Variants in BIRC6 observed in about 807,000 individuals in gnomAD.
BIRC6 encodes the protein dual E2 ubiquitin-conjugating enzyme/E3 ubiquitin-protein ligase BIRC6.
Under a neutral mutation model 503.3 loss-of-function variants are expected in BIRC6, and 98 were observed. The observed-to-expected ratio is 0.19, with a 90% CI of 0.17 to 0.23. The LOEUF (loss-of-function observed/expected upper bound fraction) is 0.23. BIRC6 is among the 10% of genes least tolerant of loss of function. The pLI, the probability that BIRC6 is intolerant of heterozygous loss-of-function variation, is 1.00. For missense variants in BIRC6, 5,360 were observed against 5,806.0 expected, an observed-to-expected ratio of 0.92 and a Z score of 2.50; for synonymous variants, 2,240 against 2,078.7, an observed-to-expected ratio of 1.08 and a Z score of -2.11.
chr2:32,548,318 T>C (rs1156954432), intron 64 of BIRC6, among the ~76,000 whole-genome samples: 1 of 145,240 alleles, frequency 6.9e-6, no homozygotes, highest in Non-Finnish European at 1.5e-5. Flanking sequence ...ATCTGGCCTT[T>C]TTTTTTTTTT....
intron 35 of BIRC6, 34 bp downstream of exon 35, chr2:32,477,617 G>T: frequency 6.4e-7 from 1 of 1,569,504 alleles, no homozygotes; most frequent in South Asian, 1.1e-5. Flanking sequence ...TTACAGGGTT[G>T]GCCGGGCGCA....
intron 60 of BIRC6, 28 bp downstream of exon 60, chr2:32,529,852 T>G (rs996185134): frequency 6.9e-7 from 1 of 1,439,096 alleles, no homozygotes; most frequent in Non-Finnish European, 9.3e-7. Flanking sequence ...CTTTAAAAAT[T>G]ACAGACTGTC....
rs1172997264 is a variant in BIRC6 at position 32,377,759 on chromosome 2, C to G, written c.497C>G (p.Pro166Arg). ...KQDDVVQLELPVTEAQQLLSA... is the reference protein window; with the variant it reads ...KQDDVVQLELRVTEAQQLLSA... ...GATGATGTGGTTCAGCTTGAATTACCCGTTACAGAGGTAAGTTGAAATAAG... is the reference window on the plus strand; with the variant it reads ...GATGATGTGGTTCAGCTTGAATTACGCGTTACAGAGGTAAGTTGAAATAAG... The change falls in exon 2 of 74, where the codon CCC becomes CGC. Residue 166 changes from proline (P) to arginine (R), a missense_variant. By Grantham distance (103) the Pro-to-Arg change is moderately radical. Around this residue, in one of 16 missense-constraint regions of BIRC6, gnomAD observed 134 missense variants for 150.9 expected, o/e 0.89. Transcript: ENST00000421745. 2 of 1,611,448 alleles carry G rather than the reference C, an allele frequency of 1.2e-6. No individual in the cohort carries two copies. The highest frequency in any genetic ancestry group is 1.3e-5 in the African/African-American group (1 of 74,804).
chr2:32,564,553 G>A (rs542754640), intron 65 of BIRC6: 3 of 152,104 alleles, frequency 2.0e-5, no homozygotes, highest in Non-Finnish European at 4.4e-5. Flanking sequence ...GGTGTGAGAT[G>A]GTATCTCATT....
At chr2:32,451,666 T>G (rs901225515) in intron 22 of BIRC6, among the ~76,000 whole-genome samples, 1 of 152,220 alleles carries the variant, frequency 6.6e-6, no homozygotes, top group Non-Finnish European at 1.5e-5. Flanking sequence ...GATGTGAAGT[T>G]CAGTTACAAG....
intron 71 of BIRC6, among the ~76,000 whole-genome samples, chr2:32,606,063 G>T (rs1373462357): frequency 6.6e-6 from 1 of 152,042 alleles, no homozygotes; most frequent in Non-Finnish European, 1.5e-5. Context: ...TAATCGTTGT[G>T]CCCAACAAAA....
Position 32,607,594 on chromosome 2 carries a change from A to C in BIRC6, c.14210A>C (p.Lys4737Thr), listed in dbSNP as rs1281666822. 23 of 1,613,850 alleles carry C rather than the reference A, an allele frequency of 1.4e-5. No homozygotes were observed. The highest frequency in any genetic ancestry group is 1.9e-5 in the Non-Finnish European group (22 of 1,179,804). Residue 4737 changes from lysine to threonine, a missense_variant, in exon 72 of 74, where the codon AAG becomes ACG. Lys to Thr is a moderately conservative substitution (Grantham distance 78, BLOSUM62 -1). Around this residue, in one of 16 missense-constraint regions of BIRC6, gnomAD observed 40 missense variants for 53.4 expected, o/e 0.75. Transcript: ENST00000421745. The stretch of plus-strand genomic sequence containing the variant: ...GGAAACATTCGACAAGCAACAGTTA[A>C]GTGGGCAATGCTAGAACAAATCAGA... ...YDGNIRQATV[K>T]WAMLEQIRNP...
chr2:32,407,751 C>G (rs905092860), intron 9 of BIRC6, among the ~76,000 whole-genome samples: 1 of 151,938 alleles, frequency 6.6e-6, no homozygotes, highest in African/African-American at 2.4e-5. Context: ...CTTTAGCAGT[C>G]TTTTGAAGCA....
Position 32,529,534 on chromosome 2 carries a change from T to C in BIRC6, c.11921-117T>C, listed in dbSNP as rs2056561575. The C allele has an allele frequency of 3.6e-5, 34 of 954,632 alleles. 1 individual carries two copies. The South Asian group carries it at 6.6e-4, about 18-fold the overall frequency. 59.1% of individuals were successfully genotyped at this position (954,632 alleles called of 1,614,324 possible). Reference sequence around the variant, plus strand: ...ATGGCTGTTGAATTTTTTAATTGTTTTGAAATTGGTTTCAGAATCAAACTC... The same window carrying C: ...ATGGCTGTTGAATTTTTTAATTGTTCTGAAATTGGTTTCAGAATCAAACTC... On this transcript the variant is annotated intron_variant, in intron 59 of 73. Transcript: ENST00000421745.
chr2:32,413,700 G>GAAA (rs1319844027), intron 9 of BIRC6, among the ~76,000 whole-genome samples: 2 of 100,192 alleles, frequency 2.0e-5, no homozygotes, highest in Non-Finnish European at 4.3e-5. Flanking sequence ...TATGTCTTAA[G>GAAA]AAAAAAAAAA....
At chr2:32,391,789 A>T (rs2039264286) in intron 4 of BIRC6, among the ~76,000 whole-genome samples, 1 of 152,190 alleles carries the variant, frequency 6.6e-6, no homozygotes, top group African/African-American at 2.4e-5. Context: ...TAATATGAAA[A>T]CATATGTAAT....
chr2:32,601,556 G>A (rs1313176787), intron 70 of BIRC6, among the ~76,000 whole-genome samples: 1 of 152,064 alleles, frequency 6.6e-6, no homozygotes, highest in African/African-American at 2.4e-5. Flanking sequence ...ACTCCAGCCT[G>A]GGCTACAGGA....
At chr2:32,404,286 G>A (rs2040940003) in intron 8 of BIRC6, among the ~76,000 whole-genome samples, 1 of 152,022 alleles carries the variant, frequency 6.6e-6, no homozygotes, top group South Asian at 2.1e-4. Flanking sequence ...TACAATTCAT[G>A]TAAGTGTACA....
At chr2:32,590,572 T>C (rs1180934873) in intron 66 of BIRC6, among the ~76,000 whole-genome samples, 1 of 152,200 alleles carries the variant, frequency 6.6e-6, no homozygotes. Context: ...CGGTAGATAC[T>C]GGTAGAGGCA....
In BIRC6 at chr2:32,433,631, C is replaced by T; in HGVS notation, c.3249-13C>T. On this transcript the variant is annotated splice_polypyrimidine_tract_variant and intron_variant, in intron 12 of 73. Coordinates refer to ENST00000421745, the MANE Select transcript of BIRC6 (RefSeq NM_016252.4). ...TTTTTGCTTTATTTAGCATTTTTCCCCTTATTTGACAGCAACAGCTGGGAT... is the reference window on the plus strand; with the variant it reads ...TTTTTGCTTTATTTAGCATTTTTCCTCTTATTTGACAGCAACAGCTGGGAT... 1 of 1,525,566 alleles carries T rather than the reference C, an allele frequency of 6.6e-7. No homozygotes were observed. Among genetic ancestry groups the T allele is most frequent in the Non-Finnish European group, 8.9e-7 (1 of 1,119,868 alleles). 94.5% of individuals were successfully genotyped at this position (1,525,566 alleles called of 1,614,324 possible). A position where few individuals can be genotyped will look rare whatever the true frequency, so the allele number is the denominator to read the frequency against.
chr2:32,395,940 C>A (rs182836660), intron 6 of BIRC6, among the ~76,000 whole-genome samples: 10 of 152,124 alleles, frequency 6.6e-5, no homozygotes, highest in African/African-American at 2.4e-4. Flanking sequence ...ATGGAGAGAG[C>A]CTTATAGTAT....
At chr2:32,543,093 C>G (rs2057799107) in intron 61 of BIRC6, 148 bp from the exon 62 acceptor site, 2 of 939,370 alleles carry the variant, frequency 2.1e-6, no homozygotes, top group East Asian at 5.3e-5. Flanking sequence ...AGCCACTGCG[C>G]CCGGCTGGAA....
intron 45 of BIRC6, among the ~76,000 whole-genome samples, chr2:32,495,546 A>G (rs1301514375): frequency 1.3e-5 from 2 of 152,214 alleles, no homozygotes; most frequent in Non-Finnish European, 2.9e-5. Context: ...TGCAAATACT[A>G]TCTATTGGTC....
At chr2:32,380,376 G>A in intron 3 of BIRC6, 86 bp downstream of exon 3, 1 of 1,420,238 alleles carries the variant, frequency 7.0e-7, no homozygotes, top group Non-Finnish European at 9.3e-7. Flanking sequence ...TCTCCTTTTG[G>A]AAATGTTCTA....
Sources: allele counts gnomAD v4.1 joint callset (sites outside exome capture counted in the v4.1 genomes callset), GRCh38; gene constraint gnomAD v4.1.1; regional missense constraint gnomAD v4.1.1; transcripts MANE v1.5; gene names NCBI Gene and HGNC (gene_info 2026-07-23, HGNC 2026-07-21).